The following CFHR4 variants were observed in gnomAD, a reference collection of about 807,000 sequenced individuals.
CFHR4 encodes the protein complement factor H related 4, also known as complement factor H-related protein 4.
A neutral mutation model predicts 69.3 loss-of-function variants in CFHR4; 64 were observed. The observed-to-expected ratio is 0.92, with a 90% CI of 0.76 to 1.14. The LOEUF is 1.14. Ranked by LOEUF, CFHR4 falls within the 50% of genes most tolerant of loss-of-function variation. The probability of loss-of-function intolerance (pLI) is 0.00; values close to 1 mark genes in which losing one functional copy is unlikely to be tolerated. For missense variants in CFHR4, 636 were observed against 684.9 expected (o/e 0.93, Z 0.80); for synonymous variants, 244 against 237.0 (o/e 1.03, Z -0.27).
chr1:196,898,774 C>T (rs1657443642), intron 1 of CFHR4, among the ~76,000 whole-genome samples: 2 of 151,448 alleles, frequency 1.3e-5, no homozygotes, highest in Admixed American at 6.6e-5. Flanking sequence ...AGGATGTTGG[C>T]CTGGGCTGCA....
At position 196,917,429 on chromosome 1, in the gene CFHR4, T is replaced by C. The variant is rs933126987; in HGVS notation, c.1541-781T>C. ...TGTACCCTGGAACTTAAAAAAAAATTATAAATTTTTTTACAAAAGAATTTT... is the reference window on the plus strand; with the variant it reads ...TGTACCCTGGAACTTAAAAAAAAATCATAAATTTTTTTACAAAAGAATTTT... On this transcript the variant is annotated intron_variant, in intron 9 of 9. Coordinates refer to ENST00000608469, the MANE Select transcript of CFHR4 (RefSeq NM_001201550.3). Among the ~76,000 whole-genome samples the C allele has an allele frequency of 7.2e-5, 11 of 151,850 alleles. No homozygotes were observed. In the South Asian group the frequency reaches 2.3e-3, roughly 32 times the overall value.
intron 1 of CFHR4, among the ~76,000 whole-genome samples, chr1:196,900,275 C>T (rs1657532271): frequency 6.8e-6 from 1 of 147,274 alleles, no homozygotes; most frequent in Admixed American, 6.8e-5. Context: ...TGAGGCTGCT[C>T]TAAGTTCTGC....
intron 6 of CFHR4, among the ~76,000 whole-genome samples, chr1:196,912,026 G>T: frequency 6.6e-6 from 1 of 150,986 alleles, no homozygotes; most frequent in South Asian, 2.1e-4. Flanking sequence ...AATTAGAAAA[G>T]AACATATACA....
rs549220462 is a variant in CFHR4, at chr1:196,888,099, C to T, written c.-52C>T. Reference sequence around the variant, plus strand: ...ACTAATAATGAAAGATTTCAAACCCCAAACAGTGCAACTGAAACTTTTGCA... The same window carrying T: ...ACTAATAATGAAAGATTTCAAACCCTAAACAGTGCAACTGAAACTTTTGCA... On this transcript the variant is annotated 5_prime_UTR_variant, in exon 1 of 10. The change creates a premature stop within an existing upstream ORF in the 5' untranslated region. Coordinates refer to ENST00000608469, the MANE Select transcript of CFHR4 (RefSeq NM_001201550.3). The T allele has an allele frequency of 2.7e-4, 424 of 1,573,186 alleles. 12 individuals carry two copies. In the South Asian group the frequency reaches 4.6e-3, roughly 17 times the overall value.
intron 1 of CFHR4, among the ~76,000 whole-genome samples, chr1:196,894,889 A>AAAC (rs56866921): frequency 0.019 from 2,840 of 149,034 alleles, 140 homozygotes; most frequent in African/African-American, 0.068. Flanking sequence ...CTGTCTCTAA[A>AAAC]AACAACAACA....
At chr1:196,896,505 A>G (rs2124940697) in intron 1 of CFHR4, among the ~76,000 whole-genome samples, 1 of 151,724 alleles carries the variant, frequency 6.6e-6, no homozygotes, top group Non-Finnish European at 1.5e-5. Context: ...TGATCAAAGA[A>G]CCCAGCAATC....
At chr1:196,893,574 C>A (rs546426784) in intron 1 of CFHR4, among the ~76,000 whole-genome samples, 2 of 151,462 alleles carry the variant, frequency 1.3e-5, no homozygotes, top group Non-Finnish European at 2.9e-5. Context: ...TAATTTTTGA[C>A]TTAAGCTCAC....
intron 8 of CFHR4, 85 bp downstream of exon 8, chr1:196,914,756 C>T (rs1157781063): frequency 1.5e-6 from 2 of 1,337,126 alleles, no homozygotes; most frequent in Non-Finnish European, 2.0e-6. Context: ...TATGTGTGTA[C>T]ATATATGTAC....
At chr1:196,917,231 AAAG>A in intron 9 of CFHR4, among the ~76,000 whole-genome samples, 1 of 152,006 alleles carries the variant, frequency 6.6e-6, no homozygotes, top group African/African-American at 2.4e-5. Context: ...ACTTGAGTCA[AAAG>A]AAGAGATAGG....
chr1:196,893,923 C>A (rs1657154405), intron 1 of CFHR4, among the ~76,000 whole-genome samples: 1 of 151,536 alleles, frequency 6.6e-6, no homozygotes, highest in South Asian at 2.1e-4. Flanking sequence ...ACTCAGGTGA[C>A]ACAGACCTAA....
rs760216832 is a variant in CFHR4, at chr1:196,912,902, C to G, written c.1160C>G (p.Ser387Ter). 5 of 1,611,666 alleles carry G rather than the reference C, an allele frequency of 3.1e-6. 1 individual carries two copies. In the Admixed American group the frequency reaches 6.7e-5, roughly 22 times the overall value. ...GSITCLQNGW[S>*]AQPICIKFCD... ...ATTACATGTTTGCAAAATGGATGGT[C>G]AGCACAACCAATTTGCATTAGTAAG... Residue 387 changes from serine to a stop codon, truncating the protein, a stop_gained, in exon 7 of 10, where the codon TCA becomes TGA. Transcript: ENST00000608469. LOFTEE classifies it high-confidence loss of function.
At chr1:196,901,173 A>G (rs1206414598) in intron 1 of CFHR4, among the ~76,000 whole-genome samples, 3 of 151,354 alleles carry the variant, frequency 2.0e-5, no homozygotes, top group Admixed American at 2.0e-4. Context: ...CTGAGGATTT[A>G]TACCCTAAAA....
chr1:196,910,320 AT>A lies in CFHR4; in HGVS notation c.840del (p.Leu281TyrfsTer13). 1 of 1,607,908 alleles carries A rather than the reference AT, an allele frequency of 6.2e-7. No homozygotes were observed. The highest frequency in any genetic ancestry group is 8.5e-7 in the Non-Finnish European group (1 of 1,176,942). ...GAGTTTCCAGAAATTCAACATGGAC[AT>A]CTATATTATGAGAATACGCGTAGAC... The part of the protein sequence containing the change: ...PCEFPEIQHG[H>X]LYYENTRRPY... On this transcript the variant is annotated frameshift_variant, in exon 6 of 10. Transcript: ENST00000608469. LOFTEE classifies it high-confidence loss of function.
intron 1 of CFHR4, among the ~76,000 whole-genome samples, chr1:196,896,208 C>T (rs1558237564): frequency 6.6e-6 from 1 of 150,652 alleles, no homozygotes; most frequent in Non-Finnish European, 1.5e-5. Flanking sequence ...TGTTGAGGGG[C>T]TTCCTGCATT....
At chr1:196,916,407 C>G (rs887597179) in intron 9 of CFHR4, among the ~76,000 whole-genome samples, 2 of 151,864 alleles carry the variant, frequency 1.3e-5, no homozygotes, top group African/African-American at 4.8e-5. Flanking sequence ...TGATACAAGC[C>G]GTTCTTTTCT....
chr1:196,912,842 G>T lies in CFHR4; in HGVS notation c.1100G>T (p.Gly367Val), dbSNP rs779607652. The change falls in exon 7 of 10, where the codon GGA becomes GTA. Residue 367 changes from glycine to valine, a missense_variant. Physicochemically the swap from Gly to Val is moderately radical, Grantham distance 109 (BLOSUM62 -3). Around this residue, in one of 3 missense-constraint regions of CFHR4, gnomAD observed 529 missense variants for 533.2 expected, o/e 0.99. Transcript: ENST00000608469. ...GAAATACAATATAAATGTAAACCAGGATATGCAACAGCAGATGGAAATTCT... is the reference window on the plus strand; with the variant it reads ...GAAATACAATATAAATGTAAACCAGTATATGCAACAGCAGATGGAAATTCT... ...NKEIQYKCKP[G>V]YATADGNSSG... 9 of 1,610,714 alleles carry T rather than the reference G, an allele frequency of 5.6e-6. No homozygotes were observed. Among genetic ancestry groups the T allele is most frequent in the Non-Finnish European group, 7.6e-6 (9 of 1,178,560 alleles).
rs577894208 is a variant in CFHR4, at chr1:196,905,708, C to G, written c.439+418C>G. ...TTAGGGAAGGGATGAGTGCTTAATT[C>G]TGAGTTTCTGCTAGCATCAGGAAAA... On this transcript the variant is annotated intron_variant, in intron 3 of 9. Transcript: ENST00000608469. 5.3e-5 allele frequency among the ~76,000 whole-genome samples: 8 copies of G among 151,608 alleles called. No individual in the cohort carries two copies. The South Asian group carries it at 8.3e-4, about 16-fold the overall frequency.
intron 1 of CFHR4, among the ~76,000 whole-genome samples, chr1:196,890,779 A>G (rs1379435169): frequency 6.6e-6 from 1 of 151,444 alleles, no homozygotes; most frequent in African/African-American, 2.4e-5. Flanking sequence ...TGTGTATTTC[A>G]CGTGCCCCCA....
rs779352004 is a variant in CFHR4 at position 196,902,452 on chromosome 1, T to C, written c.93T>C (p.His31=). The C allele has an allele frequency of 5.0e-6, 8 of 1,610,422 alleles. No individual in the cohort carries two copies. In the Admixed American group the frequency reaches 8.4e-5, roughly 17 times the overall value. Residue 31 remains histidine (H), a synonymous_variant, in exon 2 of 10, where the codon CAT becomes CAC. Coordinates refer to ENST00000608469, the MANE Select transcript of CFHR4 (RefSeq NM_001201550.3). The stretch of plus-strand genomic sequence containing the variant: ...CTTGTGATTTTCCAGAAATTCAACA[T>C]GGAGGTCTATATTATAAGAGTTTGC... ...VKPCDFPEIQ[H]GGLYYKSLRR...
Sources: gnomAD v4.1 joint callset for allele counts (sites outside exome capture counted in the v4.1 genomes callset) on GRCh38, gnomAD v4.1.1 for gene constraint, gnomAD v4.1.1 regional missense constraint, MANE v1.5 for transcripts, NCBI Gene and HGNC (gene_info 2026-07-23, HGNC 2026-07-21) for gene names.